The following BANP variants were observed in gnomAD, a reference collection of about 807,000 sequenced individuals.
BANP encodes the protein protein BANP.
BANP carries 11 observed loss-of-function variants against 68.1 expected under a neutral mutation model. The observed-to-expected ratio is 0.16, with a 90% confidence interval of 0.10 to 0.27. The LOEUF is 0.27. Among genes scored for constraint, BANP ranks in the 10% least tolerant of loss-of-function variants. The pLI is 1.00. For synonymous variants in BANP, 329 were observed against 303.2 expected, an observed-to-expected ratio of 1.09 and a Z score of -0.88; for missense variants, 504 against 722.7, an observed-to-expected ratio of 0.70 and a Z score of 3.47.
intron 6 of BANP, among the ~76,000 whole-genome samples, chr16:88,009,269 A>G (rs999162667): frequency 1.3e-5 from 2 of 152,180 alleles, no homozygotes; most frequent in Non-Finnish European, 2.9e-5. Context: ...CATTAGGAAT[A>G]TGGGAAGTGC....
At chr16:88,060,620 G>A (rs751858760) in intron 11 of BANP, among the ~76,000 whole-genome samples, 3 of 152,330 alleles carry the variant, frequency 2.0e-5, no homozygotes, top group Admixed American at 6.5e-5. Context: ...TGGAGGGTGC[G>A]TGGAGGCACG....
At chr16:87,960,083 C>G (rs577942187) in intron 1 of BANP, 1 of 152,540 alleles carries the variant, frequency 6.6e-6, no homozygotes, top group African/African-American at 2.4e-5. Context: ...TCCCAAGGGG[C>G]ACCTTCACTG....
chr16:88,076,474 C>G, intron 13 of BANP, 116 bp from the exon 14 acceptor site: 2 of 857,054 alleles, frequency 2.3e-6, no homozygotes, highest in Non-Finnish European at 3.5e-6. Context: ...GGCTCCTTCG[C>G]GCTCCTGTGT....
rs1294223540 is a variant in BANP at position 88,064,400 on chromosome 16, G to T, written c.1312-867G>T. 1.3e-5 allele frequency among the ~76,000 whole-genome samples: 2 copies of T among 152,232 alleles called. No individual in the cohort carries two copies. On this transcript the variant is annotated intron_variant, in intron 11 of 13. Coordinates refer to ENST00000682872, the MANE Select transcript of BANP (RefSeq NM_001386991.1). The surrounding 1 kb of genome is among the most constrained non-coding windows in gnomAD (Gnocchi z 4.5). ...AGCAGTGGTGGCATCATGGAGCTGGGAGAGTGGCTTTTATTTGGAGGACAG... is the reference window on the plus strand; with the variant it reads ...AGCAGTGGTGGCATCATGGAGCTGGTAGAGTGGCTTTTATTTGGAGGACAG...
intron 7 of BANP, among the ~76,000 whole-genome samples, chr16:88,026,607 C>G (rs1598588171): frequency 6.6e-6 from 1 of 151,016 alleles, no homozygotes; most frequent in Non-Finnish European, 1.5e-5. Flanking sequence ...CTGTGTTTAC[C>G]AGGGGAACAG....
At chr16:87,986,643 A>G (rs911843206) in intron 4 of BANP, among the ~76,000 whole-genome samples, 1 of 152,238 alleles carries the variant, frequency 6.6e-6, no homozygotes, top group African/African-American at 2.4e-5. Context: ...TGAGGGTAAC[A>G]GTGTCTGTGC....
chr16:88,003,659 G>A lies in BANP; in HGVS notation c.363-636G>A. 1 of 391,972 alleles carries A rather than the reference G, an allele frequency of 2.6e-6. No homozygotes were observed. The highest frequency in any genetic ancestry group is 5.0e-6 in the Non-Finnish European group (1 of 198,054). 24.3% of individuals were successfully genotyped at this position (391,972 alleles called of 1,614,324 possible). A position where few individuals can be genotyped will look rare whatever the true frequency, so the allele number is the denominator to read the frequency against. ...GTGGCGCCAGGCTTGCTGGTTTCTGGGCCATGGTCTGTTCTTTTGTAGAAT... is the reference window on the plus strand; with the variant it reads ...GTGGCGCCAGGCTTGCTGGTTTCTGAGCCATGGTCTGTTCTTTTGTAGAAT... On this transcript the variant is annotated intron_variant, in intron 4 of 13. Coordinates refer to ENST00000682872, the MANE Select transcript of BANP (RefSeq NM_001386991.1). This position sits in a 1 kb window ranked among gnomAD's most constrained non-coding sequence, Gnocchi z 6.1.
chr16:87,982,234 G>A (rs1316036379), intron 3 of BANP, among the ~76,000 whole-genome samples: 1 of 152,208 alleles, frequency 6.6e-6, no homozygotes, highest in East Asian at 1.9e-4. Context: ...CACGGGAGTG[G>A]CCCTGCCTTC....
chr16:87,962,364 A>G (rs1370351353), intron 1 of BANP, among the ~76,000 whole-genome samples: 2 of 151,870 alleles, frequency 1.3e-5, no homozygotes, highest in Non-Finnish European at 2.9e-5. Context: ...GTTAATTTGT[A>G]TGATTTTTAC....
At chr16:88,046,610 A>G (rs554510639) in intron 11 of BANP, among the ~76,000 whole-genome samples, 18 of 151,914 alleles carry the variant, frequency 1.2e-4, no homozygotes, top group African/African-American at 3.9e-4. Flanking sequence ...CAGTGATGCC[A>G]TCTTGGCTCA....
chr16:88,039,344 G>T (rs74040273), intron 11 of BANP, among the ~76,000 whole-genome samples: 2,408 of 143,458 alleles, frequency 0.017, 111 homozygotes, highest in African/African-American at 0.056. Context: ...GTGCAGGTCA[G>T]TTCTCCGCGC....
At chr16:88,065,397 G>A in intron 12 of BANP, 65 bp downstream of exon 12, 1 of 693,850 alleles carries the variant, frequency 1.4e-6, no homozygotes, top group East Asian at 2.6e-5. Context: ...TGCTTTTAAA[G>A]ACCCCCGCGA....
At chr16:87,951,697 C>A (rs1597618408) in intron 1 of BANP, among the ~76,000 whole-genome samples, 182 bp downstream of exon 1, 1 of 149,408 alleles carries the variant, frequency 6.7e-6, no homozygotes, top group East Asian at 2.0e-4. Context: ...CCGTCCCCGG[C>A]CGCGCCCCGG....
At chr16:88,006,031 T>G in intron 5 of BANP, 59 bp from the exon 6 acceptor site, 1 of 1,610,274 alleles carries the variant, frequency 6.2e-7, no homozygotes, top group Non-Finnish European at 8.5e-7. Context: ...AGCGCTGACC[T>G]TCGCGTGCTG....
intron 9 of BANP, among the ~76,000 whole-genome samples, chr16:88,033,543 C>A (rs1255349150): frequency 6.6e-6 from 1 of 152,190 alleles, no homozygotes; most frequent in Non-Finnish European, 1.5e-5. Context: ...AGGGTCAGGC[C>A]GTGCGGTGGT....
intron 11 of BANP, among the ~76,000 whole-genome samples, chr16:88,060,620 G>GT (rs1323982746): frequency 1.3e-5 from 2 of 152,212 alleles, no homozygotes; most frequent in Non-Finnish European, 2.9e-5. Flanking sequence ...TGGAGGGTGC[G>GT]TGGAGGCACG....
chr16:87,990,485 G>A (rs752688941), intron 4 of BANP, among the ~76,000 whole-genome samples: 1 of 152,160 alleles, frequency 6.6e-6, no homozygotes, highest in Non-Finnish European at 1.5e-5. Flanking sequence ...TGGCACGGGA[G>A]CACAAGAGGT....
chr16:88,070,115 C>G (rs1193952184), intron 12 of BANP, among the ~76,000 whole-genome samples: 7 of 152,244 alleles, frequency 4.6e-5, no homozygotes, highest in Non-Finnish European at 1.0e-4. Context: ...CTCGCTTACT[C>G]TATTAGAGGA....
chr16:88,052,973 T>C (rs1326140698), intron 11 of BANP, among the ~76,000 whole-genome samples: 1 of 148,974 alleles, frequency 6.7e-6, no homozygotes, highest in Non-Finnish European at 1.5e-5. Context: ...TCCATCATCA[T>C]ACCACCACAA....
Sources: allele counts gnomAD v4.1 joint callset (sites outside exome capture counted in the v4.1 genomes callset), GRCh38; gene constraint gnomAD v4.1.1; non-coding constraint Gnocchi (gnomAD v3.1); transcripts MANE v1.5; gene names NCBI Gene and HGNC (gene_info 2026-07-23, HGNC 2026-07-21).